The following CD58 variants were observed in gnomAD, a reference collection of about 807,000 sequenced individuals.
The protein encoded by CD58 is lymphocyte function-associated antigen 3.
In CD58, 14 loss-of-function variants were observed where a neutral mutation model predicts 27.6. That is an observed-to-expected ratio of 0.51 (90% CI 0.34 to 0.79). CD58 has a LOEUF of 0.79. Among genes scored for constraint, CD58 ranks in the 30% least tolerant of loss-of-function variants. The pLI, the probability that CD58 is intolerant of heterozygous loss-of-function variation, is 0.02. For missense variants in CD58, 268 were observed against 301.7 expected, an observed-to-expected ratio of 0.89 and a Z score of 0.83; for synonymous variants, 117 against 103.8, an observed-to-expected ratio of 1.13 and a Z score of -0.77.
Position 116,522,092 on chromosome 1 carries a change from T to C in CD58, c.629-109A>G. 1 of 617,024 alleles carries C rather than the reference T, an allele frequency of 1.6e-6. No individual in the cohort carries two copies. Among genetic ancestry groups the C allele is most frequent in the Admixed American group, 2.9e-5 (1 of 34,088 alleles). 38.2% of individuals were successfully genotyped at this position (617,024 alleles called of 1,614,324 possible). A position where few individuals can be genotyped will look rare whatever the true frequency, so the allele number is the denominator to read the frequency against. ...TTGCTTATTTACTGAAATTTATTTG[T>C]AATCCACAAATCAATACCCAAAGCA... On this transcript the variant is annotated intron_variant, in intron 3 of 5. Transcript: ENST00000369489. This position sits in a 1 kb window ranked among gnomAD's most constrained non-coding sequence, Gnocchi z 4.6.
chr1:116,537,203 G>T (rs1657842509), intron 2 of CD58, among the ~76,000 whole-genome samples: 1 of 152,198 alleles, frequency 6.6e-6, no homozygotes, highest in Non-Finnish European at 1.5e-5. Flanking sequence ...TTGTGCCAGT[G>T]CACTCTAGCT....
In CD58 at chr1:116,534,993, A is replaced by G. The variant is rs1321150782; in HGVS notation, c.628+972T>C. ...ATTTACAATTATATTATTCTGAATA[A>G]TAGTATTTACTATTTTCGTCTCTTT... is the stretch of plus-strand genomic sequence containing the variant. On this transcript the variant is annotated intron_variant, in intron 3 of 5. Transcript: ENST00000369489. This position sits in a 1 kb window ranked among gnomAD's most constrained non-coding sequence, Gnocchi z 5.3. 6.6e-6 allele frequency among the ~76,000 whole-genome samples: 1 copy of G among 152,198 alleles called. No individual in the cohort carries two copies. The highest frequency in any genetic ancestry group is 1.5e-5 in the Non-Finnish European group (1 of 68,032).
Position 116,524,378 on chromosome 1 carries a change from G to C in CD58, c.629-2395C>G, listed in dbSNP as rs1246831281. 6.6e-6 allele frequency among the ~76,000 whole-genome samples: 1 copy of C among 152,172 alleles called. No homozygotes were observed. Among genetic ancestry groups the C allele is most frequent in the Non-Finnish European group, 1.5e-5 (1 of 68,044 alleles). ...CCAAGAACCAAGAAGCATGCAAATT[G>C]CTACAGGACTGGCTCTTGTTTCTAG... On this transcript the variant is annotated intron_variant, in intron 3 of 5. Transcript: ENST00000369489. This position sits in a 1 kb window ranked among gnomAD's most constrained non-coding sequence, Gnocchi z 4.6.
At chr1:116,561,201 G>T (rs1474848148) in intron 1 of CD58, among the ~76,000 whole-genome samples, 1 of 152,158 alleles carries the variant, frequency 6.6e-6, no homozygotes, top group Non-Finnish European at 1.5e-5. Flanking sequence ...CTTAAAAAGA[G>T]GTTCTAAGAC....
rs1306498266 is a variant in CD58 at position 116,522,363 on chromosome 1, A to C, written c.629-380T>G. On this transcript the variant is annotated intron_variant, in intron 3 of 5. Transcript: ENST00000369489. This position sits in a 1 kb window ranked among gnomAD's most constrained non-coding sequence, Gnocchi z 4.6. ...AGGGCTGACAAGAGTTCCTAAGTGC[A>C]AGAAGGCTGCGATGTGCCTTGCAGA... Among the ~76,000 whole-genome samples the C allele has an allele frequency of 6.6e-6, 1 of 152,214 alleles. No homozygotes were observed. The highest frequency in any genetic ancestry group is 1.5e-5 in the Non-Finnish European group (1 of 68,042).
Position 116,524,456 on chromosome 1 carries a change from A to AC in CD58, c.629-2474dup. On this transcript the variant is annotated intron_variant, in intron 3 of 5. Coordinates refer to ENST00000369489, the MANE Select transcript of CD58 (RefSeq NM_001779.3). This position sits in a 1 kb window ranked among gnomAD's most constrained non-coding sequence, Gnocchi z 4.6. ...TACACAATTTTCTAAGAGACAAAAT[A>AC]CATTAATGGGTCATGCTGGCATTAT... Among the ~76,000 whole-genome samples the AC allele has an allele frequency of 6.6e-6, 1 of 152,352 alleles. No individual in the cohort carries two copies. The highest frequency in any genetic ancestry group is 2.4e-5 in the African/African-American group (1 of 41,578).
At position 116,514,832 on chromosome 1, in the gene CD58, A is replaced by C. The variant is rs759018863; in HGVS notation, c.744-10T>G. 1 of 1,552,274 alleles carries C rather than the reference A, an allele frequency of 6.4e-7. No individual in the cohort carries two copies. Among genetic ancestry groups the C allele is most frequent in the African/African-American group, 1.4e-5 (1 of 73,512 alleles). On this transcript the variant is annotated splice_polypyrimidine_tract_variant and intron_variant, in intron 5 of 5. Coordinates refer to ENST00000369489, the MANE Select transcript of CD58 (RefSeq NM_001779.3). ...TACCAATCAATTGGAGCTACAAAAA[A>C]AAATCATATTATTAACTTGTAAAAT...
chr1:116,543,233 AG>A (rs1450967176), intron 2 of CD58, among the ~76,000 whole-genome samples: 1 of 152,110 alleles, frequency 6.6e-6, no homozygotes, highest in East Asian at 1.9e-4. Context: ...CAGGCTGAGT[AG>A]GGAGGGCAGC....
chr1:116,570,909 A>C lies in CD58; in HGVS notation c.64T>G (p.Cys22Gly), dbSNP rs113208626. 2.4e-3 allele frequency: 3,763 copies of C among 1,563,624 alleles called. 57 individuals carry two copies. In the African/African-American group the frequency reaches 0.035, roughly 15 times the overall value. ...TGGGGCAGGCTTCACTCACCAAAGC[A>C]GTGCAGCAGGCAGACCACGCTGAGG... ...GVLSVVCLLH[C>G]FGFISCFSQQ... Residue 22 changes from cysteine to glycine, a missense_variant, in exon 1 of 6, where the codon TGC becomes GGC. Coordinates refer to ENST00000369489, the MANE Select transcript of CD58 (RefSeq NM_001779.3). This position sits in a 1 kb window ranked among gnomAD's most constrained non-coding sequence, Gnocchi z 6.4.
chr1:116,546,385 A>G lies in CD58; in HGVS notation c.71-1781T>C, dbSNP rs763933612. 5.3e-5 allele frequency among the ~76,000 whole-genome samples: 8 copies of G among 152,202 alleles called. No homozygotes were observed. The highest frequency in any genetic ancestry group is 1.0e-4 in the Non-Finnish European group (7 of 68,020). Reference sequence around the variant, plus strand: ...TATCTACAAGGACTTTTTAGAACCCATCTCCCTTAATTAAGGGGAACTGCC... The same window carrying G: ...TATCTACAAGGACTTTTTAGAACCCGTCTCCCTTAATTAAGGGGAACTGCC... On this transcript the variant is annotated intron_variant, in intron 1 of 5. Transcript: ENST00000369489. This position sits in a 1 kb window ranked among gnomAD's most constrained non-coding sequence, Gnocchi z 4.1.
At position 116,516,066 on chromosome 1, in the gene CD58, G is replaced by T. The variant is rs1657076264; in HGVS notation, c.744-1244C>A. 6.6e-6 allele frequency among the ~76,000 whole-genome samples: 1 copy of T among 151,604 alleles called. No individual in the cohort carries two copies. Among genetic ancestry groups the T allele is most frequent in the African/African-American group, 2.4e-5 (1 of 41,194 alleles). On this transcript the variant is annotated intron_variant, in intron 5 of 5. Coordinates refer to ENST00000369489, the MANE Select transcript of CD58 (RefSeq NM_001779.3). The surrounding 1 kb of genome is among the most constrained non-coding windows in gnomAD (Gnocchi z 6.1). ...CATTTTAATTTAACTTAATTTTTTT[G>T]ATGCCCAGGCTGGTCTCTTAACTCC...
intron 3 of CD58, chr1:116,533,081 TC>T: frequency 2.7e-6 from 2 of 738,374 alleles, no homozygotes. Context: ...CTTTAAGGCC[TC>T]CCCAGCGAAG....
chr1:116,561,945 A>G (rs1658769959), intron 1 of CD58, among the ~76,000 whole-genome samples: 1 of 152,108 alleles, frequency 6.6e-6, no homozygotes, highest in African/African-American at 2.4e-5. Flanking sequence ...TATTACTTAC[A>G]CTCTGTTATA....
intron 2 of CD58, among the ~76,000 whole-genome samples, chr1:116,543,650 T>C (rs1219733027): frequency 6.6e-6 from 1 of 151,774 alleles, no homozygotes; most frequent in African/African-American, 2.4e-5. Flanking sequence ...GAGCTGGGTG[T>C]GGTGGCTCAT....
intron 1 of CD58, among the ~76,000 whole-genome samples, chr1:116,569,299 C>A (rs954645170): frequency 2.6e-5 from 4 of 152,202 alleles, no homozygotes; most frequent in African/African-American, 9.7e-5. Context: ...GGCCTTCTGG[C>A]CTCCCTGCCT....
chr1:116,558,858 C>T (rs1658664763), intron 1 of CD58, among the ~76,000 whole-genome samples: 1 of 152,178 alleles, frequency 6.6e-6, no homozygotes, highest in Non-Finnish European at 1.5e-5. Context: ...TCATTTAATC[C>T]TCAACTCAAC....
chr1:116,533,900 T>C, intron 3 of CD58: 2 of 1,281,704 alleles, frequency 1.6e-6, no homozygotes, highest in Non-Finnish European at 2.3e-6. Flanking sequence ...TTAATTCTTC[T>C]TTTTACTGCT....
intron 3 of CD58, chr1:116,533,120 G>C (rs1657671415): frequency 2.7e-6 from 2 of 751,058 alleles, no homozygotes; most frequent in Non-Finnish European, 5.0e-6. Context: ...TCCGCTCACG[G>C]AAAAAGTGTC....
Position 116,532,920 on chromosome 1 carries a change from C to A in CD58, c.628+3045G>T. On this transcript the variant is annotated intron_variant, in intron 3 of 5. Coordinates refer to ENST00000369489, the MANE Select transcript of CD58 (RefSeq NM_001779.3). The surrounding 1 kb of genome is among the most constrained non-coding windows in gnomAD (Gnocchi z 5.1). ...GAGTCGCGACAGCCGGTCTGCCAGG[C>A]GCCCACCTCCACTTCCTACTGCTGC... The A allele has an allele frequency of 3.8e-6, 4 of 1,057,976 alleles. No individual in the cohort carries two copies. The highest frequency in any genetic ancestry group is 1.3e-5 in the South Asian group (1 of 74,680). The allele number at this position is 1,057,976 out of a possible 1,614,324, so 65.5% of individuals were successfully genotyped here.
Sources: allele counts gnomAD v4.1 joint callset (sites outside exome capture counted in the v4.1 genomes callset), GRCh38; gene constraint gnomAD v4.1.1; non-coding constraint Gnocchi (gnomAD v3.1); transcripts MANE v1.5; gene names NCBI Gene and HGNC (gene_info 2026-07-23, HGNC 2026-07-21).